The following MRS2 variants were observed in gnomAD, a reference collection of about 807,000 sequenced individuals.
MRS2 encodes the protein magnesium transporter MRS2, also known as magnesium transporter MRS2 homolog, mitochondrial.
In MRS2, 40 loss-of-function variants were observed where a neutral mutation model predicts 52.6. The ratio of observed to expected loss-of-function variants is 0.76; its 90% CI spans 0.59 to 0.99. The LOEUF (loss-of-function observed/expected upper bound fraction) is 0.99, where lower values mean the gene tolerates loss of function less well. Ranked by LOEUF, MRS2 falls within the 50% of genes least tolerant of loss-of-function variation. The probability of loss-of-function intolerance (pLI) is 0.00; values close to 1 mark genes in which losing one functional copy is unlikely to be tolerated. For synonymous variants in MRS2, 193 were observed against 195.9 expected (o/e 0.98, Z 0.13); for missense variants, 472 against 532.7 (o/e 0.89, Z 1.12).
rs1761750670 is a variant in MRS2, at chr6:24,413,884, C to T, written c.589-1149C>T. Among the ~76,000 whole-genome samples, 5 of 152,200 alleles carry T rather than the reference C, an allele frequency of 3.3e-5. No individual in the cohort carries two copies. In the South Asian group the frequency reaches 1.0e-3, roughly 31 times the overall value. ...TTTCAGTATTTTAACAACTATATAG[C>T]AGGATTAGTGCATACCTGCCGAATA... On this transcript the variant is annotated intron_variant, in intron 5 of 10. Coordinates refer to ENST00000378386, the MANE Select transcript of MRS2 (RefSeq NM_020662.4).
In MRS2 at chr6:24,425,704, G is replaced by A. The variant is rs926493796; in HGVS notation, c.*2010G>A. 9 of 152,310 alleles carry A rather than the reference G, an allele frequency of 5.9e-5. No homozygotes were observed. The South Asian group carries it at 1.7e-3, about 28-fold the overall frequency. The allele number at this position is 152,310 out of a possible 1,614,324, so 9.4% of individuals were successfully genotyped here. ...GAGTGAGTAAGCAATCATATCGCCTGTCAAACACATCAAGTGTCGAACACG... is the reference window on the plus strand; with the variant it reads ...GAGTGAGTAAGCAATCATATCGCCTATCAAACACATCAAGTGTCGAACACG... On this transcript the variant is annotated 3_prime_UTR_variant, in exon 11 of 11. Transcript: ENST00000378386.
At chr6:24,422,618 A>C (rs948585631) in intron 9 of MRS2, among the ~76,000 whole-genome samples, 3 of 152,230 alleles carry the variant, frequency 2.0e-5, no homozygotes, top group African/African-American at 7.2e-5. Context: ...GATATAAGCA[A>C]AGACCTTAAA....
At chr6:24,411,759 G>A (rs928397268) in intron 4 of MRS2, among the ~76,000 whole-genome samples, 1 of 151,870 alleles carries the variant, frequency 6.6e-6, no homozygotes, top group Non-Finnish European at 1.5e-5. Flanking sequence ...GGATGGTCTC[G>A]ATCTCTTGAC....
At position 24,403,429 on chromosome 6, in the gene MRS2, T is replaced by A. The variant is rs186241956; in HGVS notation, c.190+193T>A. On this transcript the variant is annotated intron_variant, in intron 1 of 10. Coordinates refer to ENST00000378386, the MANE Select transcript of MRS2 (RefSeq NM_020662.4). ...ACTCGCTCAGAATGCGACCTTGCTATGTGCGCTGTGCCCTGCCGGGGTCCC... is the reference window on the plus strand; with the variant it reads ...ACTCGCTCAGAATGCGACCTTGCTAAGTGCGCTGTGCCCTGCCGGGGTCCC... Among the ~76,000 whole-genome samples the A allele has an allele frequency of 2.6e-5, 4 of 152,316 alleles. No individual in the cohort carries two copies. The East Asian group carries it at 7.7e-4, about 29-fold the overall frequency.
At chr6:24,413,469 C>A (rs1400428322) in intron 5 of MRS2, among the ~76,000 whole-genome samples, 2 of 152,250 alleles carry the variant, frequency 1.3e-5, no homozygotes, top group East Asian at 3.9e-4. Flanking sequence ...CTCCCCAAAC[C>A]CACCTAAGGG....
At chr6:24,417,561 C>T (rs964519985) in intron 7 of MRS2, among the ~76,000 whole-genome samples, 13 of 152,216 alleles carry the variant, frequency 8.5e-5, no homozygotes, top group African/African-American at 2.9e-4. Context: ...AACTGGTCTA[C>T]ATAAGGATGG....
At chr6:24,421,063 A>G (rs1424025145) in intron 9 of MRS2, among the ~76,000 whole-genome samples, 5 of 152,334 alleles carry the variant, frequency 3.3e-5, no homozygotes, top group South Asian at 4.1e-4. Flanking sequence ...AGACCTTTAC[A>G]GATTCCCTAA....
chr6:24,410,865 C>T, intron 4 of MRS2: 2 of 824,958 alleles, frequency 2.4e-6, no homozygotes, highest in Non-Finnish European at 3.8e-6. Flanking sequence ...ATATGGTGTT[C>T]ACTGCAATCT....
At chr6:24,420,180 A>T (rs200942682) in intron 9 of MRS2, among the ~76,000 whole-genome samples, 2 of 152,188 alleles carry the variant, frequency 1.3e-5, no homozygotes, top group East Asian at 3.9e-4. Context: ...CTTCCCAGAC[A>T]TGCTGCTTCC....
chr6:24,418,607 T>TC (rs1554126604), intron 9 of MRS2, 29 bp downstream of exon 9: 1 of 1,558,168 alleles, frequency 6.4e-7, no homozygotes, highest in South Asian at 1.1e-5. Flanking sequence ...TTCTAAAACT[T>TC]GGGGGTTTTG....
At chr6:24,418,732 C>G (rs45448393) in intron 9 of MRS2, 154 bp downstream of exon 9, 5 of 556,164 alleles carry the variant, frequency 9.0e-6, no homozygotes, top group East Asian at 3.3e-5. Context: ...AACCCTGTCT[C>G]TACTAAAAAT....
intron 4 of MRS2, among the ~76,000 whole-genome samples, chr6:24,411,368 A>G (rs1017014410): frequency 6.6e-6 from 1 of 152,144 alleles, no homozygotes; most frequent in African/African-American, 2.4e-5. Flanking sequence ...TTAGAGTAGT[A>G]AGGCTATGTT....
In MRS2 at chr6:24,423,050, G is replaced by A; in HGVS notation, c.1221G>A (p.Met407Ile). The change falls in exon 10 of 11, where the codon ATG becomes ATA. Residue 407 changes from methionine to isoleucine, a missense_variant and splice_region_variant. By Grantham distance (10) the Met-to-Ile change is conservative. Coordinates refer to ENST00000378386, the MANE Select transcript of MRS2 (RefSeq NM_020662.4). The stretch of plus-strand genomic sequence containing the variant: ...AGCTAGAAGCTCCATTGCCTCCTAT[G>A]GTATGAAGGATATGGTTCACGGCGG... ...GRQLEAPLPPMMASLPKKTLL... is the reference protein window; with the variant it reads ...GRQLEAPLPPIMASLPKKTLL... The A allele has an allele frequency of 6.2e-7, 1 of 1,611,502 alleles. No homozygotes were observed. Among genetic ancestry groups the A allele is most frequent in the Non-Finnish European group, 8.5e-7 (1 of 1,177,744 alleles).
intron 3 of MRS2, among the ~76,000 whole-genome samples, chr6:24,409,164 C>G (rs1761570592): frequency 6.6e-6 from 1 of 152,164 alleles, no homozygotes; most frequent in African/African-American, 2.4e-5. Context: ...TAACCTGTCT[C>G]TAGAGCTGGA....
At chr6:24,413,169 G>GT (rs1761725092) in intron 5 of MRS2, among the ~76,000 whole-genome samples, 1 of 152,100 alleles carries the variant, frequency 6.6e-6, no homozygotes, top group Non-Finnish European at 1.5e-5. Flanking sequence ...GTAAACAGTG[G>GT]TAAGTCATGG....
chr6:24,403,365 C>A, intron 1 of MRS2, 129 bp downstream of exon 1: 2 of 928,138 alleles, frequency 2.2e-6, no homozygotes, highest in Non-Finnish European at 3.1e-6. Flanking sequence ...CCCGCGTGTC[C>A]TGTGAGCTTG....
intron 1 of MRS2, 146 bp from the exon 2 acceptor site, chr6:24,405,019 TAAG>T: frequency 1.8e-6 from 1 of 553,032 alleles, no homozygotes; most frequent in East Asian, 3.1e-5. Flanking sequence ...ATGTTAAAAT[TAAG>T]AAGAGTATTT....
Position 24,403,226 on chromosome 6 carries a change from C to T in MRS2, c.180C>T (p.Leu60=). 6.3e-7 allele frequency: 1 copy of T among 1,596,590 alleles called. No homozygotes were observed. Among genetic ancestry groups the T allele is most frequent in the Non-Finnish European group, 8.5e-7 (1 of 1,177,932 alleles). The change falls in exon 1 of 11, where the codon CTC becomes CTT. Residue 60 remains leucine (L), a synonymous_variant. Transcript: ENST00000378386. Reference sequence around the variant, plus strand: ...CGCAGCTTTGCGGGCCCGACCGGCTCCGCGTGGCAGGTACTGCCCTTCCCC... The same window carrying T: ...CGCAGCTTTGCGGGCCCGACCGGCTTCGCGTGGCAGGTACTGCCCTTCCCC... ...RAAQLCGPDR[L]RVAGEVHRFR... is the part of the protein sequence containing the mutation.
At chr6:24,408,191 G>T (rs1208969325) in intron 2 of MRS2, among the ~76,000 whole-genome samples, 1 of 151,864 alleles carries the variant, frequency 6.6e-6, no homozygotes, top group Non-Finnish European at 1.5e-5. Context: ...TTAAACCCAG[G>T]TCTGATTTTT....
Sources: allele counts gnomAD v4.1 joint callset (sites outside exome capture counted in the v4.1 genomes callset), GRCh38; gene constraint gnomAD v4.1.1; transcripts MANE v1.5; gene names NCBI Gene and HGNC (gene_info 2026-07-23, HGNC 2026-07-21).